KCNT2: variants seen among roughly 807,000 people sequenced by gnomAD.
KCNT2 encodes the protein potassium sodium-activated channel subfamily T member 2.
Under a neutral mutation model 153.8 loss-of-function variants are expected in KCNT2, and 67 were observed. That is an observed-to-expected ratio of 0.44 (90% CI 0.36 to 0.53). KCNT2 has a LOEUF of 0.53. Ranked by LOEUF, KCNT2 falls within the 20% of genes least tolerant of loss-of-function variation. The pLI is 0.00. For missense variants in KCNT2, 975 were observed against 1,354.8 expected, an observed-to-expected ratio of 0.72 and a Z score of 4.40; for synonymous variants, 500 against 458.8, an observed-to-expected ratio of 1.09 and a Z score of -1.15.
At chr1:196,448,994 G>A (rs1160956202) in intron 8 of KCNT2, among the ~76,000 whole-genome samples, 2 of 151,568 alleles carry the variant, frequency 1.3e-5, no homozygotes, top group South Asian at 2.1e-4. Flanking sequence ...TTATATAAAT[G>A]AGCTGGATCT....
chr1:196,398,317 C>T (rs1257486434), intron 13 of KCNT2, among the ~76,000 whole-genome samples: 1 of 151,270 alleles, frequency 6.6e-6, no homozygotes, highest in Non-Finnish European at 1.5e-5. Context: ...ATTAAGGCAT[C>T]CATTATGTTA....
intron 13 of KCNT2, among the ~76,000 whole-genome samples, chr1:196,384,060 T>A (rs1267413173): frequency 2.0e-5 from 3 of 152,218 alleles, no homozygotes; most frequent in African/African-American, 7.2e-5. Context: ...AAGGGAACTA[T>A]GTGAGGTGAT....
chr1:196,591,657 T>A (rs1157670287), intron 1 of KCNT2, among the ~76,000 whole-genome samples: 1 of 152,152 alleles, frequency 6.6e-6, no homozygotes, highest in Non-Finnish European at 1.5e-5. Context: ...AATAGTTAAT[T>A]TGTATGTCTT....
chr1:196,490,761 T>A (rs896707295), intron 2 of KCNT2, among the ~76,000 whole-genome samples: 1 of 151,900 alleles, frequency 6.6e-6, no homozygotes, highest in Non-Finnish European at 1.5e-5. Context: ...AAGCACAATA[T>A]GCATAAAGTC....
intron 26 of KCNT2, among the ~76,000 whole-genome samples, chr1:196,251,643 G>A (rs938803947): frequency 4.0e-5 from 6 of 151,658 alleles, no homozygotes; most frequent in African/African-American, 1.5e-4. Flanking sequence ...ATAGTTATTG[G>A]GTACAAAAAT....
At chr1:196,426,196 A>G (rs888657612) in intron 10 of KCNT2, among the ~76,000 whole-genome samples, 2 of 152,020 alleles carry the variant, frequency 1.3e-5, no homozygotes, top group East Asian at 1.9e-4. Flanking sequence ...AATCTCATAA[A>G]TCAATAAATT....
At chr1:196,337,654 G>C (rs1044052960) in intron 16 of KCNT2, among the ~76,000 whole-genome samples, 1 of 152,048 alleles carries the variant, frequency 6.6e-6, no homozygotes, top group Non-Finnish European at 1.5e-5. Flanking sequence ...CTTTGTACCA[G>C]CTGTTATCTC....
intron 14 of KCNT2, among the ~76,000 whole-genome samples, chr1:196,350,156 G>T (rs189992997): frequency 1.2e-3 from 184 of 152,180 alleles, no homozygotes; most frequent in Non-Finnish European, 2.0e-3. Context: ...GAATAGAGCC[G>T]CAATAAACAT....
chr1:196,593,089 T>C (rs1451559619), intron 1 of KCNT2, among the ~76,000 whole-genome samples: 2 of 150,416 alleles, frequency 1.3e-5, no homozygotes, highest in Non-Finnish European at 3.0e-5. Flanking sequence ...CACCCTTTCC[T>C]GCCGAGTCCC....
At chr1:196,391,130 A>G (rs1010908978) in intron 13 of KCNT2, among the ~76,000 whole-genome samples, 2 of 151,206 alleles carry the variant, frequency 1.3e-5, no homozygotes, top group Admixed American at 6.6e-5. Context: ...GCTCCAACTA[A>G]AGCTCTATGT....
At chr1:196,405,694 A>G (rs1349716744) in intron 12 of KCNT2, among the ~76,000 whole-genome samples, 1 of 151,500 alleles carries the variant, frequency 6.6e-6, no homozygotes, top group East Asian at 1.9e-4. Flanking sequence ...TTTCCTTTCG[A>G]TTTTTAATTT....
At chr1:196,466,526 G>C (rs77333580) in intron 7 of KCNT2, among the ~76,000 whole-genome samples, 2 of 151,870 alleles carry the variant, frequency 1.3e-5, no homozygotes, top group Non-Finnish European at 2.9e-5. Flanking sequence ...AAATAACTTT[G>C]CCTCCAAACA....
intron 8 of KCNT2, among the ~76,000 whole-genome samples, chr1:196,455,670 A>C (rs1676601744): frequency 6.6e-6 from 1 of 151,898 alleles, no homozygotes; most frequent in South Asian, 2.1e-4. Context: ...TTAATTAGAG[A>C]CCTATCTAGA....
At chr1:196,604,321 C>T (rs773298511) in intron 1 of KCNT2, among the ~76,000 whole-genome samples, 27 of 152,222 alleles carry the variant, frequency 1.8e-4, no homozygotes, top group Middle Eastern at 3.4e-3. Context: ...TATTCTTTTC[C>T]GTATTTGTCC....
chr1:196,387,660 T>G, intron 13 of KCNT2, among the ~76,000 whole-genome samples: 1 of 151,950 alleles, frequency 6.6e-6, no homozygotes, highest in East Asian at 1.9e-4. Flanking sequence ...TTGCTGATGA[T>G]TAGTGATATT....
chr1:196,246,473 T>C (rs944127056), intron 26 of KCNT2, among the ~76,000 whole-genome samples: 3 of 152,146 alleles, frequency 2.0e-5, no homozygotes, highest in Non-Finnish European at 4.4e-5. Context: ...CACAAAAATA[T>C]ACTATTGTAA....
At chr1:196,416,432 A>G (rs747162434) in intron 12 of KCNT2, among the ~76,000 whole-genome samples, 1 of 152,092 alleles carries the variant, frequency 6.6e-6, no homozygotes, top group African/African-American at 2.4e-5. Context: ...TAGTATATAT[A>G]GGGTTTGGTA....
At chr1:196,501,627 A>C (rs999234281) in intron 1 of KCNT2, among the ~76,000 whole-genome samples, 2 of 152,166 alleles carry the variant, frequency 1.3e-5, no homozygotes, top group African/African-American at 4.8e-5. Flanking sequence ...GGATTGAAAC[A>C]TTATCTAATG....
At chr1:196,360,255 A>G (rs1667508503) in intron 14 of KCNT2, among the ~76,000 whole-genome samples, 1 of 152,032 alleles carries the variant, frequency 6.6e-6, no homozygotes, top group Admixed American at 6.6e-5. Flanking sequence ...ACCTCCACTC[A>G]GATCTCCAGC....
Sources: gnomAD v4.1 joint callset for allele counts (sites outside exome capture counted in the v4.1 genomes callset) on GRCh38, gnomAD v4.1.1 for gene constraint, MANE v1.5 for transcripts, NCBI Gene and HGNC (gene_info 2026-07-23, HGNC 2026-07-21) for gene names.